Variants in NXPE1 observed in about 807,000 individuals in gnomAD.
NXPE1 encodes the protein neurexophilin and PC-esterase domain family member 1, also known as NXPE family member 1.
NXPE1 carries 31 observed loss-of-function variants against 33.3 expected under a neutral mutation model. The observed-to-expected ratio is 0.93, with a 90% CI of 0.70 to 1.26. NXPE1 has a LOEUF of 1.26. Among genes scored for constraint, NXPE1 ranks in the 50% most tolerant of loss-of-function variants. NXPE1 has a pLI of 0.00. For missense variants in NXPE1, 661 were observed against 655.6 expected (o/e 1.01, Z -0.09); for synonymous variants, 229 against 231.4 (o/e 0.99, Z 0.09).
At chr11:114,546,604 T>C (rs1228100961) in intron 5 of NXPE1, among the ~76,000 whole-genome samples, 1 of 151,860 alleles carries the variant, frequency 6.6e-6, no homozygotes, top group African/African-American at 2.4e-5. Flanking sequence ...GCCTGGCCAA[T>C]ATTTCTGAGC....
rs1022369677 is a variant in NXPE1 at position 114,524,184 on chromosome 11, A to C, written c.896-1093T>G. Among the ~76,000 whole-genome samples the C allele has an allele frequency of 4.6e-5, 7 of 152,316 alleles. No individual in the cohort carries two copies. The South Asian group carries it at 1.4e-3, about 32-fold the overall frequency. On this transcript the variant is annotated intron_variant, in intron 7 of 8. Transcript: ENST00000534921. ...CCAGTTGTTTTGCTTTTAAAGCATG[A>C]CCTAGAAGTTTCCCACTTGCACTTC...
chr11:114,553,890 C>G (rs904611080), intron 1 of NXPE1: 2 of 976,406 alleles, frequency 2.0e-6, no homozygotes, highest in Admixed American at 6.2e-5. Context: ...ACATTTAGAT[C>G]GTGGAAGTCA....
intron 5 of NXPE1, among the ~76,000 whole-genome samples, chr11:114,537,832 G>A (rs9666162): frequency 0.23 from 35,095 of 150,726 alleles, 5,898 homozygotes; most frequent in African/African-American, 0.47. Flanking sequence ...GGAAGAATCA[G>A]TATCATGAAA....
At chr11:114,521,763 G>A in exon 9 of NXPE1, 1 of 495,432 alleles carries the variant, frequency 2.0e-6, no homozygotes, top group South Asian at 4.2e-5. Flanking sequence ...TCAGAACCAG[G>A]CATGGTATAG....
intron 5 of NXPE1, among the ~76,000 whole-genome samples, chr11:114,549,138 C>G (rs1283763100): frequency 2.0e-5 from 3 of 152,064 alleles, no homozygotes; most frequent in Non-Finnish European, 2.9e-5. Context: ...TAGCAGAGCA[C>G]TGCTACTGAA....
intron 1 of NXPE1, among the ~76,000 whole-genome samples, chr11:114,555,892 A>G (rs1391297778): frequency 1.3e-5 from 2 of 152,194 alleles, no homozygotes; most frequent in African/African-American, 4.8e-5. Flanking sequence ...ATATCTCATA[A>G]TATCTATTCC....
At chr11:114,551,473 T>A (rs1948480706) in intron 3 of NXPE1, 32 bp from the exon 4 acceptor site, 1 of 1,116,482 alleles carries the variant, frequency 9.0e-7, no homozygotes, top group Admixed American at 4.4e-5. Flanking sequence ...CCTTATAGGT[T>A]CTCTTAATGC....
intron 6 of NXPE1, among the ~76,000 whole-genome samples, chr11:114,528,632 A>T (rs1228918896): frequency 1.3e-5 from 2 of 152,170 alleles, no homozygotes; most frequent in Admixed American, 6.5e-5. Context: ...TGTACCTTAC[A>T]TTTCTTTCCT....
At chr11:114,522,025 G>A (rs750941595) in exon 9 of NXPE1, 3 of 1,613,794 alleles carry the variant, frequency 1.9e-6, no homozygotes, top group East Asian at 2.2e-5. Flanking sequence ...GATCAGGTGG[G>A]TGGATAGTGT....
intron 5 of NXPE1, among the ~76,000 whole-genome samples, chr11:114,540,247 T>C (rs1007724104): frequency 1.3e-5 from 2 of 152,188 alleles, no homozygotes; most frequent in Admixed American, 6.5e-5. Context: ...TGAGCCACCA[T>C]GCCCGGCCAA....
At chr11:114,544,053 G>C (rs1344546906) in intron 5 of NXPE1, among the ~76,000 whole-genome samples, 1 of 152,120 alleles carries the variant, frequency 6.6e-6, no homozygotes, top group African/African-American at 2.4e-5. Context: ...TATGTAGAAA[G>C]CTGTGAAACA....
intron 5 of NXPE1, among the ~76,000 whole-genome samples, chr11:114,540,453 C>G (rs1948050065): frequency 6.6e-6 from 1 of 152,024 alleles, no homozygotes; most frequent in African/African-American, 2.4e-5. Context: ...TATATATCTT[C>G]CTAGTCCACA....
chr11:114,536,421 A>G (rs964525791), intron 5 of NXPE1, among the ~76,000 whole-genome samples: 1 of 152,246 alleles, frequency 6.6e-6, no homozygotes, highest in Non-Finnish European at 1.5e-5. Context: ...AAGGCAAGAA[A>G]TAACTAAGAT....
chr11:114,553,687 C>T (rs1195220636), intron 1 of NXPE1: 1 of 983,020 alleles, frequency 1.0e-6, no homozygotes, highest in African/African-American at 1.7e-5. Flanking sequence ...CAATGTCTCA[C>T]CTAGATTCTA....
intron 5 of NXPE1, among the ~76,000 whole-genome samples, chr11:114,535,738 T>C (rs1327413076): frequency 6.6e-6 from 1 of 152,168 alleles, no homozygotes; most frequent in East Asian, 1.9e-4. Flanking sequence ...CTAGCTATCC[T>C]AAATATATAT....
chr11:114,519,980 T>A (rs1367077149), downstream of NXPE1, among the ~76,000 whole-genome samples: 1 of 150,996 alleles, frequency 6.6e-6, no homozygotes, highest in Non-Finnish European at 1.5e-5. Context: ...GCCCGCTAAT[T>A]TTTTTTTGTA....
intron 7 of NXPE1, among the ~76,000 whole-genome samples, chr11:114,526,880 T>C (rs975206096): frequency 2.6e-5 from 4 of 152,242 alleles, no homozygotes; most frequent in African/African-American, 4.8e-5. Flanking sequence ...TTCCCTGTAT[T>C]ATTATTTGCT....
exon 8 of NXPE1, chr11:114,522,977 G>C: frequency 3.7e-6 from 6 of 1,613,566 alleles, no homozygotes; most frequent in Non-Finnish European, 5.1e-6. Context: ...TATCTTAATT[G>C]TGTCTAACTG....
intron 5 of NXPE1, among the ~76,000 whole-genome samples, chr11:114,535,646 A>T (rs1231552065): frequency 1.3e-5 from 2 of 152,202 alleles, no homozygotes; most frequent in East Asian, 3.8e-4. Context: ...GTCTCGGATA[A>T]AACAGACTTA....
Sources: allele counts gnomAD v4.1 joint callset (sites outside exome capture counted in the v4.1 genomes callset), GRCh38; gene constraint gnomAD v4.1.1; transcripts MANE v1.5; gene names NCBI Gene and HGNC (gene_info 2026-07-23, HGNC 2026-07-21).